The following VPS8 variants were observed in gnomAD, a reference collection of about 807,000 sequenced individuals.
VPS8 encodes vacuolar protein sorting-associated protein 8 homolog.
VPS8 carries 129 observed loss-of-function variants against 216.4 expected under a neutral mutation model. The observed-to-expected ratio is 0.60, with a 90% CI of 0.52 to 0.69. The LOEUF (loss-of-function observed/expected upper bound fraction) is 0.69. Ranked by LOEUF, VPS8 falls within the 30% of genes least tolerant of loss-of-function variation. The probability of loss-of-function intolerance (pLI) is 0.00; values close to 1 mark genes in which losing one functional copy is unlikely to be tolerated. For missense variants in VPS8, 1,531 were observed against 1,683.5 expected, an observed-to-expected ratio of 0.91 and a Z score of 1.59; for synonymous variants, 571 against 565.4, an observed-to-expected ratio of 1.01 and a Z score of -0.14.
intron 40 of VPS8, among the ~76,000 whole-genome samples, chr3:184,979,454 A>G (rs1173787451): frequency 6.6e-6 from 1 of 152,188 alleles, no homozygotes; most frequent in Non-Finnish European, 1.5e-5. Flanking sequence ...ATAGGTTTCT[A>G]AGAACTTGTA....
Position 184,870,700 on chromosome 3 carries a change from G to A in VPS8, c.1645-16G>A. The A allele has an allele frequency of 6.3e-7, 1 of 1,597,240 alleles. No individual in the cohort carries two copies. Among genetic ancestry groups the A allele is most frequent in the South Asian group, 1.1e-5 (1 of 89,216 alleles). On this transcript the variant is annotated splice_polypyrimidine_tract_variant and intron_variant, in intron 20 of 47. Coordinates refer to ENST00000625842, the MANE Select transcript of VPS8 (RefSeq NM_001009921.3). The stretch of plus-strand genomic sequence containing the variant: ...AGATATATTTTAATGTCTATGCCAG[G>A]CTGTTTTCCTTACAGATGGTAGAAA...
At chr3:185,030,297 A>T (rs1261242824) in intron 46 of VPS8, among the ~76,000 whole-genome samples, 6 of 152,224 alleles carry the variant, frequency 3.9e-5, no homozygotes, top group African/African-American at 1.4e-4. Context: ...TGGGTCTGTT[A>T]CATTTATGAT....
At chr3:184,936,422 A>T (rs1741632760) in intron 35 of VPS8, 87 bp downstream of exon 35, 1 of 1,235,418 alleles carries the variant, frequency 8.1e-7, no homozygotes, top group Non-Finnish European at 1.1e-6. Context: ...GATTGTAGTG[A>T]TTTCTTCAGT....
chr3:184,835,856 C>G (rs890189149), intron 5 of VPS8, among the ~76,000 whole-genome samples: 3 of 152,024 alleles, frequency 2.0e-5, no homozygotes, highest in African/African-American at 7.2e-5. Flanking sequence ...ACTACAGGCG[C>G]CTGCCACCAT....
intron 42 of VPS8, among the ~76,000 whole-genome samples, chr3:184,987,288 A>G (rs1159638504): frequency 6.6e-6 from 1 of 151,788 alleles, no homozygotes; most frequent in Non-Finnish European, 1.5e-5. Context: ...TAATTTTTGT[A>G]TTTTTAATAG....
chr3:184,941,552 G>A (rs1394434226), intron 36 of VPS8, among the ~76,000 whole-genome samples: 1 of 151,820 alleles, frequency 6.6e-6, no homozygotes, highest in East Asian at 1.9e-4. Flanking sequence ...AGGGAAGAAA[G>A]GAATGTGGGT....
intron 40 of VPS8, among the ~76,000 whole-genome samples, chr3:184,978,374 TCCTC>T (rs770443741): frequency 1.3e-5 from 2 of 151,812 alleles, no homozygotes; most frequent in African/African-American, 4.8e-5. Context: ...CGTCCATCCG[TCCTC>T]CCTCCCTCCC....
intron 17 of VPS8, among the ~76,000 whole-genome samples, chr3:184,867,675 G>T (rs957893793): frequency 6.6e-6 from 1 of 152,116 alleles, no homozygotes; most frequent in Admixed American, 6.6e-5. Context: ...GCAAAACCTT[G>T]TCTCTAGTAA....
At chr3:185,050,188 G>A (rs1713890374) in intron 47 of VPS8, among the ~76,000 whole-genome samples, 1 of 150,458 alleles carries the variant, frequency 6.6e-6, no homozygotes, top group Non-Finnish European at 1.5e-5. Flanking sequence ...AAAGCATTGA[G>A]TTGAGCGTCT....
At chr3:185,000,015 G>A (rs1415932375) in intron 45 of VPS8, among the ~76,000 whole-genome samples, 154 bp downstream of exon 45, 2 of 152,106 alleles carry the variant, frequency 1.3e-5, no homozygotes, top group Admixed American at 6.5e-5. Flanking sequence ...TTTAGTGTTC[G>A]AAGAGCCTCT....
chr3:184,994,610 T>C (rs1036891463), intron 43 of VPS8, among the ~76,000 whole-genome samples: 1 of 152,226 alleles, frequency 6.6e-6, no homozygotes, highest in African/African-American at 2.4e-5. Context: ...AACAAATATC[T>C]TTTTTCAAAA....
chr3:185,050,747 T>C (rs1714040204), intron 47 of VPS8, among the ~76,000 whole-genome samples: 1 of 152,274 alleles, frequency 6.6e-6, no homozygotes, highest in East Asian at 1.9e-4. Flanking sequence ...CTGGAGTGTT[T>C]GGTAGACACA....
intron 36 of VPS8, among the ~76,000 whole-genome samples, chr3:184,954,201 G>C (rs772965131): frequency 1.4e-4 from 21 of 152,210 alleles, no homozygotes; most frequent in Non-Finnish European, 2.9e-4. Flanking sequence ...GGAAGGGCCA[G>C]GGAGCTTCCA....
intron 25 of VPS8, 149 bp from the exon 26 acceptor site, chr3:184,913,370 C>T: frequency 1.6e-6 from 1 of 614,894 alleles, no homozygotes. Flanking sequence ...ACTCAAAAGC[C>T]AATAAAGTGG....
At chr3:184,871,940 G>C (rs1031104803) in intron 21 of VPS8, among the ~76,000 whole-genome samples, 9 of 152,108 alleles carry the variant, frequency 5.9e-5, no homozygotes, top group Non-Finnish European at 1.3e-4. Context: ...CCATGCTAGT[G>C]AGCTTCTGGT....
chr3:184,922,183 C>A (rs1738755363), intron 29 of VPS8, among the ~76,000 whole-genome samples: 2 of 152,218 alleles, frequency 1.3e-5, no homozygotes, highest in South Asian at 4.1e-4. Context: ...AGTTCCTAAT[C>A]ATTTTCCAAG....
chr3:184,835,749 G>A (rs1474896322), intron 5 of VPS8, among the ~76,000 whole-genome samples: 1 of 134,408 alleles, frequency 7.4e-6, no homozygotes, highest in Non-Finnish European at 1.5e-5. Flanking sequence ...TCACTCTGTC[G>A]CCCAAGCTGG....
intron 45 of VPS8, among the ~76,000 whole-genome samples, chr3:185,014,865 G>A (rs1475147459): frequency 1.3e-5 from 2 of 152,182 alleles, no homozygotes; most frequent in East Asian, 3.9e-4. Context: ...TGTTTTAATA[G>A]AAGCTGGAAT....
At chr3:184,862,216 C>T (rs966848404) in intron 15 of VPS8, among the ~76,000 whole-genome samples, 1 of 152,010 alleles carries the variant, frequency 6.6e-6, no homozygotes, top group Non-Finnish European at 1.5e-5. Context: ...AGATTTATTT[C>T]TTGGGAAACG....
Sources: gnomAD v4.1 joint callset for allele counts (sites outside exome capture counted in the v4.1 genomes callset) on GRCh38, gnomAD v4.1.1 for gene constraint, MANE v1.5 for transcripts, NCBI Gene and HGNC (gene_info 2026-07-23, HGNC 2026-07-21) for gene names.